ELK1: variants seen among roughly 807,000 people sequenced by gnomAD.
The protein encoded by ELK1 is ETS domain-containing protein Elk-1.
For synonymous variants in ELK1, 163 were observed against 176.3 expected (o/e 0.92, Z 0.60); for missense variants, 254 against 381.5 (o/e 0.67, Z 2.78).
Position 47,638,848 on chromosome X carries a change from C to T in ELK1, c.654+47G>A, listed in dbSNP as rs149793724. On this transcript the variant is annotated intron_variant, in intron 4 of 6. Coordinates refer to ENST00000376983, the MANE Select transcript of ELK1 (RefSeq NM_001114123.3). The stretch of plus-strand genomic sequence containing the variant: ...CGTCATCCGGGGATTACACATCCCT[C>T]CTCTTTACTGCCTCCTCTTACTGAA... 1.3e-4 allele frequency: 145 copies of T among 1,156,951 alleles called. 2 individuals carry two copies. In the African/African-American group the frequency reaches 1.8e-3, roughly 15 times the overall value.
chrX:47,637,325 C>T (rs916813621), intron 5 of ELK1, among the ~76,000 whole-genome samples: 2 of 110,464 alleles, frequency 1.8e-5, no homozygotes, highest in African/African-American at 6.6e-5. Flanking sequence ...CGAGAGCCCA[C>T]CCTCAGTTGC....
chrX:47,641,532 C>T (rs764739073), intron 2 of ELK1, 57 bp from the exon 3 acceptor site: 98 of 892,264 alleles, frequency 1.1e-4, no homozygotes, highest in African/African-American at 4.2e-4. Context: ...CAGAGGTCAG[C>T]GGGAGGAGGA....
At chrX:47,648,404 A>C (rs779080082) in intron 2 of ELK1, among the ~76,000 whole-genome samples, 18 of 112,968 alleles carry the variant, frequency 1.6e-4, no homozygotes, top group African/African-American at 5.8e-4. Flanking sequence ...TCTTGTGAAC[A>C]CATCCTTTTG....
chrX:47,639,362 A>C, intron 3 of ELK1, 24 bp from the exon 4 acceptor site: 3 of 1,096,638 alleles, frequency 2.7e-6, no homozygotes, highest in Non-Finnish European at 3.7e-6. Context: ...AGAGGAACAG[A>C]GGGCCTTAGA....
At position 47,636,668 on chromosome X, in the gene ELK1, A is replaced by G. The variant is rs931569925; in HGVS notation, c.*161T>C. The G allele has an allele frequency of 2.1e-6, 1 of 485,084 alleles. No individual in the cohort carries two copies. Among genetic ancestry groups the G allele is most frequent in the Non-Finnish European group, 3.3e-6 (1 of 299,295 alleles). The allele number at this position is 485,084 out of a possible 1,213,427, so 40.0% of individuals were successfully genotyped here. A position where few individuals can be genotyped will look rare whatever the true frequency, so the allele number is the denominator to read the frequency against. On this transcript the variant is annotated 3_prime_UTR_variant, in exon 7 of 7. Coordinates refer to ENST00000376983, the MANE Select transcript of ELK1 (RefSeq NM_001114123.3). ...GCTGTGTGTTTTCTGTGGAGGAGATAATGAGAGTTACTCTTGGGAGTAATT... is the reference window on the plus strand; with the variant it reads ...GCTGTGTGTTTTCTGTGGAGGAGATGATGAGAGTTACTCTTGGGAGTAATT...
upstream of ELK1, chrX:47,650,574 T>G (rs757321217): frequency 3.3e-6 from 1 of 298,695 alleles, no homozygotes; most frequent in African/African-American, 2.9e-5. Flanking sequence ...AAGCCGCCCC[T>G]GCGTTTCCCT....
At chrX:47,644,229 G>T (rs2058036679) in intron 2 of ELK1, among the ~76,000 whole-genome samples, 1 of 111,748 alleles carries the variant, frequency 8.9e-6, no homozygotes, top group Non-Finnish European at 1.9e-5. Flanking sequence ...AGGTGACGGT[G>T]GGCTTCCAGC....
rs2058056077 is a variant in ELK1, at chrX:47,650,042, ACACT to A, written c.-140-20_-140-17del. 1 of 98,357 alleles carries A rather than the reference ACACT, an allele frequency of 1.0e-5. No individual in the cohort carries two copies. The highest frequency in any genetic ancestry group is 2.0e-5 in the Non-Finnish European group (1 of 49,281). 8.1% of individuals were successfully genotyped at this position (98,357 alleles called of 1,213,427 possible). A position where few individuals can be genotyped will look rare whatever the true frequency, so the allele number is the denominator to read the frequency against. On this transcript the variant is annotated splice_polypyrimidine_tract_variant and intron_variant, in intron 1 of 6. Transcript: ENST00000376983. ...AAAGTTGAGGCTAGGAGAAATCCAA[ACACT>A]CAGATACACCTACTATTAAGGGGGC...
chrX:47,637,739 G>A lies in ELK1; in HGVS notation c.1086+12C>T, dbSNP rs1220620533. On this transcript the variant is annotated intron_variant, in intron 5 of 6. Coordinates refer to ENST00000376983, the MANE Select transcript of ELK1 (RefSeq NM_001114123.3). ...TGGCGCCCACACACCCCACCCCTCC[G>A]CAGGCACTCACCAATGTATGCGTAG... 5 of 1,176,860 alleles carry A rather than the reference G, an allele frequency of 4.2e-6. No individual in the cohort carries two copies. The highest frequency in any genetic ancestry group is 5.7e-6 in the Non-Finnish European group (5 of 876,615).
rs146380613 is a variant in ELK1 at position 47,637,501 on chromosome X, G to A, written c.1086+250C>T. Among the ~76,000 whole-genome samples the A allele has an allele frequency of 5.5e-3, 611 of 110,892 alleles. 4 individuals carry two copies. Among genetic ancestry groups the A allele is most frequent in the African/African-American group, 0.019 (588 of 30,391 alleles). ...AAAAAGCCCTGCTCAGGTTCCTTAA[G>A]CCACACCCCAACCTAGAAACAGTCC... On this transcript the variant is annotated intron_variant, in intron 5 of 6. Coordinates refer to ENST00000376983, the MANE Select transcript of ELK1 (RefSeq NM_001114123.3).
At chrX:47,641,570 C>A in intron 2 of ELK1, 95 bp from the exon 3 acceptor site, 1 of 657,829 alleles carries the variant, frequency 1.5e-6, no homozygotes, top group Non-Finnish European at 2.3e-6. Context: ...TTTTCTCCAT[C>A]TCTGTCTTCA....
In ELK1 at chrX:47,641,307, C is replaced by T. The variant is rs766909677; in HGVS notation, c.135G>A (p.Leu45=). 2.5e-6 allele frequency: 3 copies of T among 1,212,013 alleles called. No homozygotes were observed. Among genetic ancestry groups the T allele is most frequent in the Admixed American group, 2.2e-5 (1 of 46,078 alleles). The change falls in exon 3 of 7, where the codon CTG becomes CTA. Residue 45 remains leucine (L), a synonymous_variant. Transcript: ENST00000376983. ...KLVDAEEVAR[L]WGLRKNKTNM... is the part of the protein sequence containing the mutation. The stretch of plus-strand genomic sequence containing the variant: ...TGGTCTTGTTCTTGCGTAGCCCCCA[C>T]AGCCGGGCCACCTCCTCTGCATCCA...
At position 47,637,816 on chromosome X, in the gene ELK1, T is replaced by C. The variant is rs1288887383; in HGVS notation, c.1021A>G (p.Ser341Gly). The C allele has an allele frequency of 9.2e-6, 11 of 1,192,597 alleles. No individual in the cohort carries two copies. The African/African-American group carries it at 1.9e-4, about 21-fold the overall frequency. The change falls in exon 5 of 7, where the codon AGT (serine) becomes GGT (glycine). Residue 341 changes from serine to glycine, a missense_variant. Coordinates refer to ENST00000376983, the MANE Select transcript of ELK1 (RefSeq NM_001114123.3). ...CCCGGAGCCTGGAGGCCGGAGCCACTTCCCGATCCTGGGGTCCGTTCGGGT... is the reference window on the plus strand; with the variant it reads ...CCCGGAGCCTGGAGGCCGGAGCCACCTCCCGATCCTGGGGTCCGTTCGGGT... The part of the protein sequence containing the change: ...PGPERTPGSG[S>G]GSGLQAPGPA...
chrX:47,639,483 C>T (rs2058021790), intron 3 of ELK1, 145 bp from the exon 4 acceptor site: 1 of 545,614 alleles, frequency 1.8e-6, no homozygotes, highest in South Asian at 2.7e-5. Flanking sequence ...CTTTCCCGTC[C>T]CTCCTCTGTA....
At chrX:47,639,909 G>A in intron 3 of ELK1, among the ~76,000 whole-genome samples, 1 of 112,838 alleles carries the variant, frequency 8.9e-6, no homozygotes, top group Admixed American at 9.3e-5. Context: ...TAATGTAGAT[G>A]GATGGGGTGA....
rs762725923 is a variant in ELK1 at position 47,650,548 on chromosome X, C to CGGTGGT, written c.-267_-266insACCACC. 6 of 320,820 alleles carry CGGTGGT rather than the reference C, an allele frequency of 1.9e-5. No individual in the cohort carries two copies. The Admixed American group carries it at 2.1e-4, about 11-fold the overall frequency. 26.4% of individuals were successfully genotyped at this position (320,820 alleles called of 1,213,427 possible). A position where few individuals can be genotyped will look rare whatever the true frequency, so the allele number is the denominator to read the frequency against. On this transcript the variant is annotated 5_prime_UTR_variant, in exon 1 of 7. Transcript: ENST00000376983. The stretch of plus-strand genomic sequence containing the variant: ...GCGGTGGAGGTGGTGGTGGCGGTGG[C>CGGTGGT]GGCGGCAGCACCTAGAAGCCGCCCC...
At position 47,637,818 on chromosome X, in the gene ELK1, C is replaced by T; in HGVS notation, c.1019G>A (p.Gly340Glu). 8.4e-7 allele frequency: 1 copy of T among 1,194,230 alleles called. No homozygotes were observed. Among genetic ancestry groups the T allele is most frequent in the Non-Finnish European group, 1.1e-6 (1 of 885,818 alleles). Residue 340 changes from glycine to glutamate, a missense_variant, in exon 5 of 7, where the codon GGA becomes GAA. Coordinates refer to ENST00000376983, the MANE Select transcript of ELK1 (RefSeq NM_001114123.3). ...CGGAGCCTGGAGGCCGGAGCCACTT[C>T]CCGATCCTGGGGTCCGTTCGGGTCC... is the stretch of plus-strand genomic sequence containing the variant. Reference protein sequence around the residue: ...GPGPERTPGSGSGSGLQAPGP... With the variant: ...GPGPERTPGSESGSGLQAPGP...
At position 47,636,913 on chromosome X, in the gene ELK1, G is replaced by A. The variant is rs1350302389; in HGVS notation, c.1203C>T (p.Gly401=). The change falls in exon 7 of 7, where the codon GGC becomes GGT. Residue 401 remains glycine, a synonymous_variant. Coordinates refer to ENST00000376983, the MANE Select transcript of ELK1 (RefSeq NM_001114123.3). ...AKLSFQFPSS[G]SAQVHIPSIS... ...TAGAAGGGATGTGCACCTGGGCGCT[G>A]CCACTGGATGGAAACTGGGGGCAAA... 4.2e-6 allele frequency: 5 copies of A among 1,178,950 alleles called. No individual in the cohort carries two copies. The highest frequency in any genetic ancestry group is 5.7e-6 in the Non-Finnish European group (5 of 878,535).
At chrX:47,650,368 G>A in intron 1 of ELK1, 55 bp downstream of exon 1, 1 of 275,897 alleles carries the variant, frequency 3.6e-6, no homozygotes, top group South Asian at 3.3e-5. Context: ...GCGGGGGCGG[G>A]AAGGATACGT....
Sources: gnomAD v4.1 joint callset for allele counts (sites outside exome capture counted in the v4.1 genomes callset) on GRCh38, gnomAD v4.1.1 for gene constraint, MANE v1.5 for transcripts, NCBI Gene and HGNC (gene_info 2026-07-23, HGNC 2026-07-21) for gene names.